FMN1: variants seen among roughly 807,000 people sequenced by gnomAD.
The protein encoded by FMN1 is formin 1, also known as formin-1.
FMN1 carries 110 observed loss-of-function variants against 132.4 expected under a neutral mutation model. The observed-to-expected ratio is 0.83, with a 90% CI of 0.71 to 0.97. The LOEUF is 0.97. Among genes scored for constraint, FMN1 ranks in the 50% least tolerant of loss-of-function variants. FMN1 has a pLI of 0.00. For missense variants in FMN1, 1,792 were observed against 1,705.3 expected, an observed-to-expected ratio of 1.05 and a Z score of -0.90; for synonymous variants, 722 against 651.7, an observed-to-expected ratio of 1.11 and a Z score of -1.64.
At chr15:32,967,456 A>G (rs2031349504) in intron 8 of FMN1, among the ~76,000 whole-genome samples, 1 of 152,216 alleles carries the variant, frequency 6.6e-6, no homozygotes, top group South Asian at 2.1e-4. Flanking sequence ...TAATACGGAA[A>G]CATGACTCAA....
At chr15:33,050,410 TAGAA>T (rs1424755955) in intron 6 of FMN1, among the ~76,000 whole-genome samples, 19 of 152,132 alleles carry the variant, frequency 1.2e-4, no homozygotes, top group African/African-American at 3.9e-4. Flanking sequence ...TTTTAATACA[TAGAA>T]AGCTTCTTCA....
At chr15:32,952,225 T>G (rs1338250908) in intron 9 of FMN1, among the ~76,000 whole-genome samples, 1 of 152,212 alleles carries the variant, frequency 6.6e-6, no homozygotes, top group Non-Finnish European at 1.5e-5. Flanking sequence ...TCCAATGTCT[T>G]ACTAAAGCAT....
chr15:33,153,653 G>C lies in FMN1; in HGVS notation c.1262C>G (p.Pro421Arg). The change falls in exon 4 of 21, where the codon CCC (proline) becomes CGC (arginine). Residue 421 changes from proline to arginine, a missense_variant. Coordinates refer to ENST00000616417, the MANE Select transcript of FMN1 (RefSeq NM_001277313.2). ...CTTCTCACTCTCTATCACCTTCAGG[G>C]GGACCTTGTTCACGGCCCCCTCGGC... ...ASAEGAVNKV[P>R]LKVIESEKLD... The C allele has an allele frequency of 3.3e-6, 5 of 1,536,324 alleles. No homozygotes were observed. The highest frequency in any genetic ancestry group is 4.4e-6 in the Non-Finnish European group (5 of 1,146,946).
chr15:33,048,613 C>T (rs1170127261), intron 6 of FMN1, among the ~76,000 whole-genome samples: 11 of 33,386 alleles, frequency 3.3e-4, no homozygotes, highest in African/African-American at 1.1e-3. Flanking sequence ...AAGATACACT[C>T]GAGACTGGGC....
chr15:33,071,200 GTTC>G (rs2037985304), intron 5 of FMN1, among the ~76,000 whole-genome samples: 1 of 152,170 alleles, frequency 6.6e-6, no homozygotes, highest in Non-Finnish European at 1.5e-5. Context: ...GAGGATGACT[GTTC>G]TTTTCTTTTG....
At chr15:33,031,779 T>A (rs1044304134) in intron 6 of FMN1, among the ~76,000 whole-genome samples, 1 of 152,200 alleles carries the variant, frequency 6.6e-6, no homozygotes, top group African/African-American at 2.4e-5. Context: ...ACTGCATTAG[T>A]TACTGTGGTA....
chr15:33,128,127 G>A (rs1026302172), intron 4 of FMN1, among the ~76,000 whole-genome samples: 3 of 152,188 alleles, frequency 2.0e-5, no homozygotes, highest in Non-Finnish European at 2.9e-5. Flanking sequence ...ACACCATGGT[G>A]ATGGGAGCAG....
chr15:33,064,664 C>T (rs986228653), intron 6 of FMN1: 2 of 221,752 alleles, frequency 9.0e-6, no homozygotes, highest in Non-Finnish European at 1.8e-5. Context: ...GACCAACCAC[C>T]GGCTTCCTGA....
intron 4 of FMN1, among the ~76,000 whole-genome samples, chr15:33,130,952 C>A (rs1269283468): frequency 6.6e-6 from 1 of 152,114 alleles, no homozygotes; most frequent in African/African-American, 2.4e-5. Flanking sequence ...ATCTGTAGAG[C>A]AAACAATACT....
chr15:32,794,611 C>G (rs1186224043), intron 19 of FMN1, among the ~76,000 whole-genome samples: 1 of 151,984 alleles, frequency 6.6e-6, no homozygotes, highest in Admixed American at 6.6e-5. Context: ...TAAAGAATAG[C>G]CAATAAAGGT....
intron 9 of FMN1, among the ~76,000 whole-genome samples, chr15:32,936,581 A>G (rs1251513083): frequency 6.6e-6 from 1 of 152,086 alleles, no homozygotes; most frequent in Non-Finnish European, 1.5e-5. Context: ...CCAAACATCT[A>G]GAGTATGTCA....
chr15:32,829,244 A>C (rs2058443870), intron 17 of FMN1, among the ~76,000 whole-genome samples: 1 of 152,210 alleles, frequency 6.6e-6, no homozygotes, highest in Non-Finnish European at 1.5e-5. Flanking sequence ...ATATAATCTA[A>C]GATGGCACAA....
chr15:32,882,157 T>C (rs1318311405), intron 16 of FMN1, among the ~76,000 whole-genome samples: 1 of 152,214 alleles, frequency 6.6e-6, no homozygotes, highest in Non-Finnish European at 1.5e-5. Context: ...CTGTAGTCCC[T>C]TTAGAAGATG....
intron 7 of FMN1, among the ~76,000 whole-genome samples, chr15:32,989,100 AC>A (rs34180172): frequency 0.043 from 6,550 of 152,212 alleles, 202 homozygotes; most frequent in East Asian, 0.13. Flanking sequence ...GAAAAATATT[AC>A]CTGTGAAATC....
At chr15:33,145,307 T>C (rs1964172869) in intron 4 of FMN1, among the ~76,000 whole-genome samples, 2 of 151,786 alleles carry the variant, frequency 1.3e-5, no homozygotes. Context: ...CAAAATCTCA[T>C]TCATTCTACC....
chr15:33,088,634 G>C (rs569952500), intron 5 of FMN1, among the ~76,000 whole-genome samples, 165 bp downstream of exon 5: 1 of 152,126 alleles, frequency 6.6e-6, no homozygotes, highest in East Asian at 1.9e-4. Flanking sequence ...ACAAATTTCA[G>C]ATCACCAAGA....
chr15:32,793,753 T>A (rs1189098782), intron 19 of FMN1, among the ~76,000 whole-genome samples: 1 of 152,206 alleles, frequency 6.6e-6, no homozygotes, highest in African/African-American at 2.4e-5. Flanking sequence ...AGCTCTTTAG[T>A]GGTTAAATGA....
intron 17 of FMN1, among the ~76,000 whole-genome samples, chr15:32,838,849 T>C (rs1198350771): frequency 1.3e-5 from 2 of 152,102 alleles, no homozygotes; most frequent in African/African-American, 4.8e-5. Flanking sequence ...AAGACTGAAA[T>C]CTAAACAACA....
At chr15:32,920,203 T>C (rs2060786158) in intron 10 of FMN1, among the ~76,000 whole-genome samples, 1 of 152,112 alleles carries the variant, frequency 6.6e-6, no homozygotes, top group South Asian at 2.1e-4. Context: ...TAAGAGGAAC[T>C]CACTAACATG....
Sources: allele counts gnomAD v4.1 joint callset (sites outside exome capture counted in the v4.1 genomes callset), GRCh38; gene constraint gnomAD v4.1.1; transcripts MANE v1.5; gene names NCBI Gene and HGNC (gene_info 2026-07-23, HGNC 2026-07-21).